Variants in NTRK2 observed in about 807,000 individuals in gnomAD.
NTRK2 encodes BDNF/NT-3 growth factors receptor.
A neutral mutation model predicts 94.5 loss-of-function variants in NTRK2; 13 were observed. That is an observed-to-expected ratio of 0.14 (90% CI 0.09 to 0.22). The LOEUF is 0.22. Ranked by LOEUF, NTRK2 falls within the 10% of genes least tolerant of loss-of-function variation. The pLI is 1.00. For synonymous variants in NTRK2, 372 were observed against 407.4 expected (o/e 0.91, Z 1.05); for missense variants, 639 against 1,071.2 (o/e 0.60, Z 5.63).
intron 11 of NTRK2, among the ~76,000 whole-genome samples, chr9:84,748,708 T>G (rs1249581575): frequency 6.6e-6 from 1 of 152,192 alleles, no homozygotes; most frequent in Non-Finnish European, 1.5e-5. Flanking sequence ...TTTGACTTTG[T>G]TTATTTAGGT....
intron 12 of NTRK2, among the ~76,000 whole-genome samples, chr9:84,816,005 A>C (rs1349282520): frequency 6.6e-6 from 1 of 152,122 alleles, no homozygotes; most frequent in Admixed American, 6.5e-5. Flanking sequence ...AAAAAAAAAA[A>C]AACTTATGCG....
chr9:84,725,812 C>T (rs990152719), intron 8 of NTRK2, among the ~76,000 whole-genome samples: 26 of 152,002 alleles, frequency 1.7e-4, no homozygotes, highest in African/African-American at 6.0e-4. Flanking sequence ...GTAAAGCAAA[C>T]AATTAAACTT....
intron 6 of NTRK2, 84 bp downstream of exon 6, chr9:84,710,875 T>A: frequency 7.5e-7 from 1 of 1,338,240 alleles, no homozygotes; most frequent in Non-Finnish European, 1.1e-6. Flanking sequence ...AAATTACCAC[T>A]ACCTGGATTG....
intron 2 of NTRK2, among the ~76,000 whole-genome samples, chr9:84,676,345 C>A (rs2059051917): frequency 6.6e-6 from 1 of 152,148 alleles, no homozygotes; most frequent in Non-Finnish European, 1.5e-5. Context: ...ATCTGAAGAC[C>A]TTTGGTGTCA....
In NTRK2 at chr9:84,723,562, T is replaced by G. The variant is rs757093644; in HGVS notation, c.584-11T>G. ...TTGCATATGCCTCTGTTTACTTTTC[T>G]TGTTCCATAGGTTTGCCATCTGCAA... On this transcript the variant is annotated splice_polypyrimidine_tract_variant and intron_variant, in intron 6 of 18. Coordinates refer to ENST00000277120, the MANE Select transcript of NTRK2 (RefSeq NM_006180.6). 6.2e-7 allele frequency: 1 copy of G among 1,614,076 alleles called. No homozygotes were observed. Among genetic ancestry groups the G allele is most frequent in the South Asian group, 1.1e-5 (1 of 91,078 alleles).
chr9:84,967,292 GCTGGGGCTCCC>G lies in NTRK2; in HGVS notation c.2172+11776_2172+11786del, dbSNP rs1282002087. ...GCCCCGCAACCCCTCTCCACAAGGA[GCTGGGGCTCCC>G]AGGCTGGTGGTCTAGGCAGACCCCT... On this transcript the variant is annotated intron_variant, in intron 17 of 18. Transcript: ENST00000277120. Among the ~76,000 whole-genome samples, 4 of 152,330 alleles carry G rather than the reference GCTGGGGCTCCC, an allele frequency of 2.6e-5. No individual in the cohort carries two copies. The East Asian group carries it at 7.7e-4, about 29-fold the overall frequency.
chr9:84,864,927 G>A (rs1327762145), intron 13 of NTRK2, among the ~76,000 whole-genome samples: 1 of 151,730 alleles, frequency 6.6e-6, no homozygotes, highest in Admixed American at 6.6e-5. Flanking sequence ...TTCTAGTTGA[G>A]ACAGGGTTTC....
At chr9:84,907,796 G>T (rs1441137864) in intron 14 of NTRK2, among the ~76,000 whole-genome samples, 2 of 146,556 alleles carry the variant, frequency 1.4e-5, no homozygotes, top group African/African-American at 2.5e-5. Flanking sequence ...GTTGCCTTTT[G>T]CTTTGTTCTA....
intron 12 of NTRK2, chr9:84,811,367 TG>T (rs201203220): frequency 0.036 from 38,333 of 1,066,266 alleles, 831 homozygotes; most frequent in Admixed American, 0.086. Context: ...GCTGTTTTGT[TG>T]GGGCTATAGA....
chr9:84,923,086 A>G (rs2077620834), intron 14 of NTRK2, among the ~76,000 whole-genome samples: 2 of 152,156 alleles, frequency 1.3e-5, no homozygotes. Flanking sequence ...AGTGGTTGTG[A>G]ACTCTGCTGA....
intron 12 of NTRK2, among the ~76,000 whole-genome samples, chr9:84,782,048 A>T (rs1425745687): frequency 1.3e-5 from 2 of 150,386 alleles, no homozygotes; most frequent in Non-Finnish European, 3.0e-5. Flanking sequence ...ACACACACAC[A>T]CACACACACA....
intron 17 of NTRK2, 49 bp from the exon 18 acceptor site, chr9:85,020,157 C>A (rs2117919181): frequency 6.2e-7 from 1 of 1,609,888 alleles, no homozygotes; most frequent in Non-Finnish European, 8.5e-7. Context: ...CCCTTCCACA[C>A]CTGGTTTCGG....
At chr9:84,882,810 C>A (rs896496039) in intron 14 of NTRK2, among the ~76,000 whole-genome samples, 1 of 152,140 alleles carries the variant, frequency 6.6e-6, no homozygotes, top group Non-Finnish European at 1.5e-5. Context: ...GCTCTTGTCG[C>A]CCAGGCTGGA....
chr9:84,672,316 T>C (rs1272897095), intron 2 of NTRK2, among the ~76,000 whole-genome samples: 2 of 152,140 alleles, frequency 1.3e-5, no homozygotes, highest in Non-Finnish European at 2.9e-5. Flanking sequence ...CAGCCAACTG[T>C]CGGGCTGAGT....
At chr9:84,772,212 T>C (rs2066618640) in intron 12 of NTRK2, among the ~76,000 whole-genome samples, 1 of 152,206 alleles carries the variant, frequency 6.6e-6, no homozygotes. Context: ...GAAATAGGTT[T>C]GTTAACAGTG....
intron 14 of NTRK2, among the ~76,000 whole-genome samples, chr9:84,888,611 CAAAAAAAAAAAAAAAAAAAAA>C (rs71369158): frequency 2.7e-4 from 9 of 33,846 alleles, no homozygotes; most frequent in Admixed American, 9.9e-4. Flanking sequence ...CACTCCATCT[CAAAAAAAAAAAAAAAAAAAAA>C]AAAAAAAAAA....
chr9:84,766,734 C>T (rs1206133003), intron 12 of NTRK2, among the ~76,000 whole-genome samples: 1 of 151,636 alleles, frequency 6.6e-6, no homozygotes, highest in African/African-American at 2.4e-5. Context: ...TGCACACAAA[C>T]CACACACATT....
chr9:84,828,424 C>T (rs2073323409), intron 12 of NTRK2, among the ~76,000 whole-genome samples: 2 of 152,158 alleles, frequency 1.3e-5, no homozygotes, highest in Admixed American at 1.3e-4. Flanking sequence ...TATGCTTCTT[C>T]TCCCTAATTC....
chr9:84,811,582 G>A (rs951172260), intron 12 of NTRK2: 1 of 1,065,562 alleles, frequency 9.4e-7, no homozygotes, highest in Non-Finnish European at 1.1e-6. Context: ...GGAGCAGAAT[G>A]GCTGGCCTGC....
Sources: gnomAD v4.1 joint callset for allele counts (sites outside exome capture counted in the v4.1 genomes callset) on GRCh38, gnomAD v4.1.1 for gene constraint, MANE v1.5 for transcripts, NCBI Gene and HGNC (gene_info 2026-07-23, HGNC 2026-07-21) for gene names.